Variants in KHDRBS2 observed in about 807,000 individuals in gnomAD.
KHDRBS2 encodes the protein KH domain-containing, RNA-binding, signal transduction-associated protein 2.
Under a neutral mutation model 44.3 loss-of-function variants are expected in KHDRBS2, and 26 were observed. The observed-to-expected ratio is 0.59, with a 90% confidence interval of 0.43 to 0.81. The LOEUF (loss-of-function observed/expected upper bound fraction) is 0.81. KHDRBS2 is among the 40% of genes least tolerant of loss of function. The pLI is 0.00. For missense variants in KHDRBS2, 476 were observed against 433.1 expected, an observed-to-expected ratio of 1.10 and a Z score of -0.88; for synonymous variants, 194 against 151.1, an observed-to-expected ratio of 1.28 and a Z score of -2.08.
chr6:61,757,304 A>G (rs1033437609), intron 6 of KHDRBS2, among the ~76,000 whole-genome samples: 16 of 152,196 alleles, frequency 1.1e-4, no homozygotes, highest in Admixed American at 4.6e-4. Flanking sequence ...TCTCACTGCA[A>G]TTCTATTAGT....
the KHDRBS2 span, among the ~76,000 whole-genome samples, chr6:61,576,427 G>T: frequency 6.6e-6 from 1 of 152,068 alleles, no homozygotes; most frequent in African/African-American, 2.4e-5. Flanking sequence ...TTTGTATGCT[G>T]AAACTTTACT....
chr6:61,610,968 C>T, the KHDRBS2 span, among the ~76,000 whole-genome samples: 2 of 152,140 alleles, frequency 1.3e-5, no homozygotes, highest in Non-Finnish European at 2.9e-5. Flanking sequence ...GAAGAAGGCC[C>T]CTATGATATC....
chr6:61,590,112 T>C, the KHDRBS2 span, among the ~76,000 whole-genome samples: 1 of 152,168 alleles, frequency 6.6e-6, no homozygotes, highest in Admixed American at 6.5e-5. Flanking sequence ...CTATTTAATA[T>C]GTGTTTTTGC....
chr6:61,569,543 T>C, the KHDRBS2 span, among the ~76,000 whole-genome samples: 2 of 152,184 alleles, frequency 1.3e-5, no homozygotes, highest in South Asian at 2.1e-4. Flanking sequence ...AATCAACAGC[T>C]AATTCCACTG....
intron 1 of KHDRBS2, among the ~76,000 whole-genome samples, chr6:62,261,618 GGAA>G (rs1838360145): frequency 3.3e-5 from 5 of 151,802 alleles, no homozygotes; most frequent in Admixed American, 3.3e-4. Flanking sequence ...TGCTACAGAA[GGAA>G]GAAGTAATGT....
the KHDRBS2 span, among the ~76,000 whole-genome samples, chr6:61,556,156 C>T: frequency 6.6e-6 from 1 of 152,162 alleles, no homozygotes; most frequent in South Asian, 2.1e-4. Flanking sequence ...CATGCGCATT[C>T]ACTCCTGCAG....
the KHDRBS2 span, among the ~76,000 whole-genome samples, chr6:61,551,468 A>T: frequency 4.6e-5 from 7 of 152,072 alleles, no homozygotes; most frequent in Admixed American, 4.6e-4. Flanking sequence ...GGTATTTCCT[A>T]GGTTATCTTC....
chr6:62,030,500 G>T (rs796204513), intron 3 of KHDRBS2, among the ~76,000 whole-genome samples: 17 of 151,850 alleles, frequency 1.1e-4, no homozygotes, highest in African/African-American at 3.9e-4. Context: ...GTTAATTTCT[G>T]AATATTGGTA....
intron 3 of KHDRBS2, among the ~76,000 whole-genome samples, chr6:61,988,397 G>A (rs954851522): frequency 1.3e-5 from 2 of 152,114 alleles, no homozygotes; most frequent in Non-Finnish European, 2.9e-5. Flanking sequence ...CATGGAACAG[G>A]GCAATATGGG....
At chr6:61,712,833 CT>C (rs1449789735) in intron 7 of KHDRBS2, among the ~76,000 whole-genome samples, 1 of 151,692 alleles carries the variant, frequency 6.6e-6, no homozygotes, top group African/African-American at 2.4e-5. Context: ...TTATACTTCT[CT>C]TTTGCTTCTT....
At chr6:61,592,981 T>C in the KHDRBS2 span, among the ~76,000 whole-genome samples, 1 of 152,150 alleles carries the variant, frequency 6.6e-6, no homozygotes, top group African/African-American at 2.4e-5. Context: ...CTATATATGA[T>C]TTATGCAAAC....
intron 1 of KHDRBS2, among the ~76,000 whole-genome samples, chr6:62,216,151 A>G (rs910433004): frequency 6.6e-6 from 1 of 151,708 alleles, no homozygotes; most frequent in African/African-American, 2.4e-5. Context: ...ATTTGTAAAA[A>G]TTTTGATTTG....
At chr6:62,073,699 A>C (rs1795758749) in intron 2 of KHDRBS2, among the ~76,000 whole-genome samples, 1 of 151,582 alleles carries the variant, frequency 6.6e-6, no homozygotes, top group Non-Finnish European at 1.5e-5. Context: ...TTGTGATCCC[A>C]GAAGGGCATT....
In KHDRBS2 at chr6:62,119,561, T is replaced by C. The variant is rs181001459; in HGVS notation, c.219+57624A>G. Among the ~76,000 whole-genome samples, 347 of 152,222 alleles carry C rather than the reference T, an allele frequency of 2.3e-3. 5 individuals carry two copies. The highest frequency in any genetic ancestry group is 1.4e-3 in the Non-Finnish European group (96 of 68,012). Reference sequence around the variant, plus strand: ...ATGCTCAGCCTCACCACCTGTCTACTGATAAAGTAAGGGCAATGATTGGAA... The same window carrying C: ...ATGCTCAGCCTCACCACCTGTCTACCGATAAAGTAAGGGCAATGATTGGAA... On this transcript the variant is annotated intron_variant, in intron 2 of 8. Coordinates refer to ENST00000281156, the MANE Select transcript of KHDRBS2 (RefSeq NM_152688.4).
At chr6:61,900,447 A>G (rs1803767845) in intron 5 of KHDRBS2, among the ~76,000 whole-genome samples, 1 of 152,180 alleles carries the variant, frequency 6.6e-6, no homozygotes, top group Admixed American at 6.5e-5. Context: ...ATTAAATCAC[A>G]TAGTTGTTCT....
chr6:62,055,227 A>G (rs1233839556), intron 2 of KHDRBS2, among the ~76,000 whole-genome samples: 2 of 152,038 alleles, frequency 1.3e-5, no homozygotes, highest in Non-Finnish European at 2.9e-5. Flanking sequence ...GTTTACAAAA[A>G]CAAATATAGA....
chr6:61,573,755 C>T, the KHDRBS2 span, among the ~76,000 whole-genome samples: 5 of 151,144 alleles, frequency 3.3e-5, no homozygotes, highest in African/African-American at 1.2e-4. Context: ...CGCCACTGCA[C>T]TCCAGCCTGG....
chr6:62,074,904 C>T (rs1056743304), intron 2 of KHDRBS2, among the ~76,000 whole-genome samples: 4 of 151,828 alleles, frequency 2.6e-5, no homozygotes, highest in Admixed American at 1.3e-4. Context: ...GACAATTTTC[C>T]TGTTTAATGT....
At chr6:61,661,884 T>C in the KHDRBS2 span, among the ~76,000 whole-genome samples, 1 of 151,998 alleles carries the variant, frequency 6.6e-6, no homozygotes, top group Non-Finnish European at 1.5e-5. Flanking sequence ...ATTCACAGAA[T>C]TGGGAAAAGC....
Sources: allele counts gnomAD v4.1 joint callset (sites outside exome capture counted in the v4.1 genomes callset), GRCh38; gene constraint gnomAD v4.1.1; transcripts MANE v1.5; gene names NCBI Gene and HGNC (gene_info 2026-07-23, HGNC 2026-07-21).